Variants in CAPN8 observed in about 807,000 individuals in gnomAD.
The protein encoded by CAPN8 is calpain 8.
CAPN8 carries 87 observed loss-of-function variants against 80.9 expected under a neutral mutation model. The ratio of observed to expected loss-of-function variants is 1.07; its 90% CI spans 0.90 to 1.28. The LOEUF is 1.28. Ranked by LOEUF, CAPN8 falls within the 50% of genes most tolerant of loss-of-function variation. The pLI, the probability that CAPN8 is intolerant of heterozygous loss-of-function variation, is 0.00. For synonymous variants in CAPN8, 299 were observed against 273.8 expected (o/e 1.09, Z -0.91); for missense variants, 757 against 702.0 (o/e 1.08, Z -0.89).
intron 7 of CAPN8, among the ~76,000 whole-genome samples, chr1:223,621,559 G>A (rs575267773): frequency 1.1e-3 from 169 of 152,244 alleles, no homozygotes; most frequent in Non-Finnish European, 1.3e-4. Context: ...TGGCGGAACT[G>A]AGGTTTTGGG....
intron 1 of CAPN8, among the ~76,000 whole-genome samples, chr1:223,663,835 AG>A (rs1571748001): frequency 6.6e-6 from 1 of 152,228 alleles, no homozygotes; most frequent in Non-Finnish European, 1.5e-5. Flanking sequence ...AAAAGGGTAG[AG>A]GTAGCTAGCT....
intron 2 of CAPN8, among the ~76,000 whole-genome samples, chr1:223,645,664 C>G (rs1018900020): frequency 6.6e-6 from 1 of 152,112 alleles, no homozygotes; most frequent in Non-Finnish European, 1.5e-5. Flanking sequence ...GAAAGGATCC[C>G]CAGATCTCTC....
intron 16 of CAPN8, among the ~76,000 whole-genome samples, chr1:223,546,758 A>G (rs1006441934): frequency 6.6e-6 from 1 of 152,108 alleles, no homozygotes; most frequent in African/African-American, 2.4e-5. Flanking sequence ...CAGAATTTGG[A>G]CCCCTGTCTG....
intron 5 of CAPN8, 134 bp downstream of exon 5, chr1:223,626,855 T>C: frequency 1.2e-6 from 1 of 862,916 alleles, no homozygotes; most frequent in East Asian, 2.7e-5. Flanking sequence ...GTCACTAGAC[T>C]TGCCCACTAA....
chr1:223,550,834 T>C lies in CAPN8; in HGVS notation c.1699+126A>G, dbSNP rs1460958452. 4 of 598,220 alleles carry C rather than the reference T, an allele frequency of 6.7e-6. No individual in the cohort carries two copies. The Admixed American group carries it at 8.8e-5, about 13-fold the overall frequency. The allele number at this position is 598,220 out of a possible 1,614,324, so 37.1% of individuals were successfully genotyped here. On this transcript the variant is annotated intron_variant, in intron 15 of 20. Transcript: ENST00000366872. ...TCTTGCTGGACTGAATCAGGGCTCC[T>C]GGGGTCAGACACCAATGCCCTTTCT... is the stretch of plus-strand genomic sequence containing the variant.
chr1:223,610,080 G>C (rs1466002782), intron 11 of CAPN8, among the ~76,000 whole-genome samples: 2 of 152,214 alleles, frequency 1.3e-5, no homozygotes, highest in Non-Finnish European at 2.9e-5. Flanking sequence ...CAAAACACAG[G>C]TGCCAAAGTT....
Position 223,620,187 on chromosome 1 carries a change from C to G in CAPN8, c.974+5G>C. On this transcript the variant is annotated splice_donor_5th_base_variant and intron_variant, in intron 8 of 20. Transcript: ENST00000366872. ...GGACAGCGCTTCAGCAGAAAACTCT[C>G]TCACCAGAATTCTCCATCCTCAACT... 6.4e-7 allele frequency: 1 copy of G among 1,551,594 alleles called. No individual in the cohort carries two copies. Among genetic ancestry groups the G allele is most frequent in the Non-Finnish European group, 8.7e-7 (1 of 1,146,904 alleles).
intron 20 of CAPN8, among the ~76,000 whole-genome samples, chr1:223,542,185 A>T (rs1656484652): frequency 6.6e-6 from 1 of 151,344 alleles, no homozygotes. Context: ...TATACACTAT[A>T]TATGTGTGTG....
chr1:223,634,831 T>A (rs936286645), intron 2 of CAPN8, among the ~76,000 whole-genome samples: 1 of 152,212 alleles, frequency 6.6e-6, no homozygotes, highest in African/African-American at 2.4e-5. Flanking sequence ...ATGTTAGGAT[T>A]GCAAGATATG....
chr1:223,657,621 G>C (rs1023938405), intron 1 of CAPN8, among the ~76,000 whole-genome samples: 6 of 152,080 alleles, frequency 3.9e-5, no homozygotes, highest in African/African-American at 1.4e-4. Flanking sequence ...ACAAAAATTA[G>C]CCAGGCGTGG....
At chr1:223,545,408 T>C (rs1656594143) in intron 16 of CAPN8, 109 bp from the exon 17 acceptor site, 1 of 1,501,236 alleles carries the variant, frequency 6.7e-7, no homozygotes. Flanking sequence ...GAACCTTCCA[T>C]GTCTGTGGCA....
At chr1:223,543,600 T>A (rs1423905595) in intron 19 of CAPN8, among the ~76,000 whole-genome samples, 2 of 152,146 alleles carry the variant, frequency 1.3e-5, no homozygotes, top group Non-Finnish European at 2.9e-5. Flanking sequence ...AATCCCTTCC[T>A]AATAAGATAT....
chr1:223,619,518 C>A, intron 8 of CAPN8, 65 bp from the exon 9 acceptor site: 1 of 1,526,560 alleles, frequency 6.6e-7, no homozygotes, highest in South Asian at 1.2e-5. Context: ...GGCACGCATA[C>A]TGAGCACGGG....
At chr1:223,617,648 C>T (rs901591925) in intron 9 of CAPN8, 4 of 152,228 alleles carry the variant, frequency 2.6e-5, no homozygotes, top group Non-Finnish European at 4.4e-5. Flanking sequence ...TACTGCAATC[C>T]ATACATTTTT....
intron 11 of CAPN8, among the ~76,000 whole-genome samples, chr1:223,611,216 G>A (rs35170695): frequency 0.67 from 102,263 of 151,996 alleles, 35,091 homozygotes; most frequent in African/African-American, 0.8. Flanking sequence ...AATGAGGTAG[G>A]AGGTAGGACT....
rs114107487 is a variant in CAPN8 at position 223,645,755 on chromosome 1, T to C, written c.307+8575A>G. Among the ~76,000 whole-genome samples, 1,163 of 152,126 alleles carry C rather than the reference T, an allele frequency of 7.6e-3. 12 individuals carry two copies. The highest frequency in any genetic ancestry group is 0.027 in the African/African-American group (1,107 of 41,486). ...GGTTGAGCAAGAATGCAGACCAAAGTAACAAGGTACTGGGTCATGAAGCCT... is the reference window on the plus strand; with the variant it reads ...GGTTGAGCAAGAATGCAGACCAAAGCAACAAGGTACTGGGTCATGAAGCCT... On this transcript the variant is annotated intron_variant, in intron 2 of 20. Coordinates refer to ENST00000366872, the MANE Select transcript of CAPN8 (RefSeq NM_001143962.2).
intron 2 of CAPN8, among the ~76,000 whole-genome samples, chr1:223,635,332 CACACACACAA>C (rs1334002572): frequency 3.9e-5 from 6 of 152,216 alleles, no homozygotes; most frequent in Admixed American, 3.9e-4. Context: ...CCTTAAAACA[CACACACACAA>C]ACACACACAT....
At chr1:223,545,321 A>C in intron 16 of CAPN8, 22 bp from the exon 17 acceptor site, 2 of 1,551,476 alleles carry the variant, frequency 1.3e-6, no homozygotes, top group Non-Finnish European at 1.7e-6. Context: ...AAAGACCAAC[A>C]TGATTGAGTC....
intron 2 of CAPN8, among the ~76,000 whole-genome samples, chr1:223,644,584 A>G (rs1461242540): frequency 6.6e-6 from 1 of 152,214 alleles, no homozygotes; most frequent in Non-Finnish European, 1.5e-5. Context: ...AACAATAAAT[A>G]AACGCATGTG....
Sources: allele counts gnomAD v4.1 joint callset (sites outside exome capture counted in the v4.1 genomes callset), GRCh38; gene constraint gnomAD v4.1.1; transcripts MANE v1.5; gene names NCBI Gene and HGNC (gene_info 2026-07-23, HGNC 2026-07-21).